Variants in HMGCLL1 observed in about 807,000 individuals in gnomAD.
HMGCLL1 encodes 3-hydroxy-3-methylglutaryl-CoA lyase like 1.
A neutral mutation model predicts 39.1 loss-of-function variants in HMGCLL1; 36 were observed. The observed-to-expected ratio is 0.92, with a 90% confidence interval of 0.71 to 1.22. The LOEUF (loss-of-function observed/expected upper bound fraction) is 1.22. Ranked by LOEUF, HMGCLL1 falls within the 50% of genes most tolerant of loss-of-function variation. The pLI is 0.00. For synonymous variants in HMGCLL1, 149 were observed against 144.0 expected (o/e 1.03, Z -0.25); for missense variants, 451 against 416.5 (o/e 1.08, Z -0.72).
chr6:55,608,003 C>G, the HMGCLL1 span, among the ~76,000 whole-genome samples: 1 of 152,204 alleles, frequency 6.6e-6, no homozygotes, highest in Non-Finnish European at 1.5e-5. Flanking sequence ...TACTTCTGCT[C>G]TTTTAATGCA....
chr6:55,574,046 G>A (rs934783853), intron 1 of HMGCLL1, among the ~76,000 whole-genome samples: 1 of 151,856 alleles, frequency 6.6e-6, no homozygotes, highest in Non-Finnish European at 1.5e-5. Context: ...TGCTATCATG[G>A]CTGTTAATTT....
the HMGCLL1 span, among the ~76,000 whole-genome samples, chr6:55,590,304 G>T: frequency 6.6e-6 from 1 of 152,052 alleles, no homozygotes; most frequent in Non-Finnish European, 1.5e-5. Flanking sequence ...ATGGGGAAAG[G>T]ATTCCCTATT....
rs138942037 is a variant in HMGCLL1 at position 55,506,082 on chromosome 6, G to C, written c.543-6783C>G. ...ACCAAACTGTCTGTCCAACTTGAAG[G>C]CTGGGTCTTTCTACTACATCAGTTG... On this transcript the variant is annotated intron_variant, in intron 5 of 8. Transcript: ENST00000274901. Among the ~76,000 whole-genome samples the C allele has an allele frequency of 7.8e-4, 118 of 151,788 alleles. No individual in the cohort carries two copies. The East Asian group carries it at 0.022, about 28-fold the overall frequency.
chr6:55,542,185 G>T, intron 1 of HMGCLL1, 45 bp from the exon 2 acceptor site: 2 of 1,283,272 alleles, frequency 1.6e-6, no homozygotes, highest in Non-Finnish European at 2.2e-6. Context: ...CTTTTAGATT[G>T]TTACATTTGC....
the HMGCLL1 span, among the ~76,000 whole-genome samples, chr6:55,644,620 A>C: frequency 6.6e-6 from 1 of 151,996 alleles, no homozygotes; most frequent in Non-Finnish European, 1.5e-5. Context: ...GCTCATCGAT[A>C]TCCAGTTTTT....
At chr6:55,460,930 G>A (rs1358484574) in intron 7 of HMGCLL1, among the ~76,000 whole-genome samples, 3 of 151,910 alleles carry the variant, frequency 2.0e-5, no homozygotes, top group East Asian at 1.9e-4. Context: ...ATTTAACCAC[G>A]TAAAGTAAGA....
chr6:55,469,408 T>C (rs1427749142), intron 7 of HMGCLL1, among the ~76,000 whole-genome samples: 5 of 141,440 alleles, frequency 3.5e-5, no homozygotes, highest in Admixed American at 2.9e-4. Context: ...TATATGTATA[T>C]ATACTTATAA....
In HMGCLL1 at chr6:55,439,568, C is replaced by T; in HGVS notation, c.796-9G>A. ...ACCACATTAATTCCCATCTGGAAAACAAACCAAACCACCTAAAGCTTGTGT... is the reference window on the plus strand; with the variant it reads ...ACCACATTAATTCCCATCTGGAAAATAAACCAAACCACCTAAAGCTTGTGT... On this transcript the variant is annotated splice_polypyrimidine_tract_variant and intron_variant, in intron 7 of 8. Coordinates refer to ENST00000274901, the MANE Select transcript of HMGCLL1 (RefSeq NM_001042406.2). The T allele has an allele frequency of 6.2e-7, 1 of 1,611,152 alleles. No individual in the cohort carries two copies. Among genetic ancestry groups the T allele is most frequent in the African/African-American group, 1.3e-5 (1 of 74,918 alleles).
the HMGCLL1 span, among the ~76,000 whole-genome samples, chr6:55,594,764 C>A: frequency 6.6e-6 from 1 of 152,034 alleles, no homozygotes; most frequent in African/African-American, 2.4e-5. Context: ...AGCAAGTTGT[C>A]CCATGACCTG....
the HMGCLL1 span, among the ~76,000 whole-genome samples, chr6:55,643,206 T>C: frequency 6.6e-6 from 1 of 152,042 alleles, no homozygotes; most frequent in Non-Finnish European, 1.5e-5. Flanking sequence ...AGCTCTTTGA[T>C]GAATTGCCAC....
chr6:55,539,722 G>T (rs1030168910), intron 3 of HMGCLL1, among the ~76,000 whole-genome samples: 4 of 150,976 alleles, frequency 2.6e-5, no homozygotes, highest in African/African-American at 9.8e-5. Context: ...GGGGGAGGAG[G>T]AGAGAATAAG....
chr6:55,474,908 A>G (rs1349998118), intron 7 of HMGCLL1, among the ~76,000 whole-genome samples: 2 of 151,634 alleles, frequency 1.3e-5, no homozygotes, highest in Non-Finnish European at 3.0e-5. Flanking sequence ...TTCTCAGATA[A>G]ACGGGTCTGC....
At position 55,535,134 on chromosome 6, in the gene HMGCLL1, A is replaced by C. The variant is rs144887169; in HGVS notation, c.297+6595T>G. 5.7e-3 allele frequency among the ~76,000 whole-genome samples: 871 copies of C among 152,340 alleles called. 11 individuals are homozygous for C. The highest frequency in any genetic ancestry group is 0.02 in the African/African-American group (825 of 41,580). On this transcript the variant is annotated intron_variant, in intron 3 of 8. Coordinates refer to ENST00000274901, the MANE Select transcript of HMGCLL1 (RefSeq NM_001042406.2). ...ATGACCATTTGAGATCATTTACTAA[A>C]GAACTAAGTGTCTTCATTCCTTCTC... is the stretch of plus-strand genomic sequence containing the variant.
rs141627548 is a variant in HMGCLL1 at position 55,505,862 on chromosome 6, G to T, written c.543-6563C>A. On this transcript the variant is annotated intron_variant, in intron 5 of 8. Transcript: ENST00000274901. The stretch of plus-strand genomic sequence containing the variant: ...TTAGGGTTTTCTTTTAAAGAAAATG[G>T]CATAACCTCCTTCAGCAATTCATCC... Among the ~76,000 whole-genome samples the T allele has an allele frequency of 3.7e-4, 56 of 151,702 alleles. 1 individual carries two copies. In the East Asian group the frequency reaches 9.9e-3, roughly 27 times the overall value.
At chr6:55,566,036 G>C (rs932645046) in intron 1 of HMGCLL1, among the ~76,000 whole-genome samples, 2 of 152,104 alleles carry the variant, frequency 1.3e-5, no homozygotes, top group Non-Finnish European at 2.9e-5. Context: ...AATGGAAATT[G>C]TGTCTAACAA....
chr6:55,564,360 C>G (rs1239662057), intron 1 of HMGCLL1, among the ~76,000 whole-genome samples: 1 of 152,046 alleles, frequency 6.6e-6, no homozygotes, highest in Admixed American at 6.6e-5. Flanking sequence ...AAAATAGCAC[C>G]TCAGCATCTT....
intron 7 of HMGCLL1, among the ~76,000 whole-genome samples, chr6:55,457,249 C>T (rs1308774508): frequency 6.6e-6 from 1 of 152,178 alleles, no homozygotes; most frequent in Non-Finnish European, 1.5e-5. Context: ...ACTGTCTATC[C>T]TCTTCTAAGT....
chr6:55,631,257 A>C, the HMGCLL1 span, among the ~76,000 whole-genome samples: 1 of 151,866 alleles, frequency 6.6e-6, no homozygotes, highest in South Asian at 2.1e-4. Context: ...TGCCCTTTTG[A>C]GACTATTTTC....
At chr6:55,612,720 C>CA in the HMGCLL1 span, among the ~76,000 whole-genome samples, 2 of 151,932 alleles carry the variant, frequency 1.3e-5, no homozygotes, top group Admixed American at 1.3e-4. Context: ...CTATTTAATA[C>CA]ATGGTACTGG....
Sources: gnomAD v4.1 joint callset for allele counts (sites outside exome capture counted in the v4.1 genomes callset) on GRCh38, gnomAD v4.1.1 for gene constraint, MANE v1.5 for transcripts, NCBI Gene and HGNC (gene_info 2026-07-23, HGNC 2026-07-21) for gene names.